The following NIPBL variants were observed in gnomAD, a reference collection of about 807,000 sequenced individuals.
NIPBL encodes NIPBL cohesin loading factor, also known as nipped-B-like protein.
In NIPBL, 19 loss-of-function variants were observed where a neutral mutation model predicts 321.8. That is an observed-to-expected ratio of 0.06 (90% CI 0.04 to 0.09). The LOEUF (loss-of-function observed/expected upper bound fraction) is 0.09. Ranked by LOEUF, NIPBL falls within the 10% of genes least tolerant of loss-of-function variation. The probability of loss-of-function intolerance (pLI) is 1.00; values close to 1 mark genes in which losing one functional copy is unlikely to be tolerated. For missense variants in NIPBL, 2,210 were observed against 3,327.0 expected (o/e 0.66, Z 8.26); for synonymous variants, 1,106 against 1,114.1 (o/e 0.99, Z 0.14).
In NIPBL at chr5:36,986,052, A is replaced by G; in HGVS notation, c.2872A>G (p.Ile958Val). 1 of 1,613,990 alleles carries G rather than the reference A, an allele frequency of 6.2e-7. No individual in the cohort carries two copies. Among genetic ancestry groups the G allele is most frequent in the Non-Finnish European group, 8.5e-7 (1 of 1,179,952 alleles). ...GTCTGGTGCGTTGAAAAATTTTGTCATTCCGAAAATCAAGAGGGATAAAGA... is the reference window on the plus strand; with the variant it reads ...GTCTGGTGCGTTGAAAAATTTTGTCGTTCCGAAAATCAAGAGGGATAAAGA... ...GRSGALKNFV[I>V]PKIKRDKDGN... is the part of the protein sequence containing the mutation. The change falls in exon 10 of 47, where the codon ATT (isoleucine) becomes GTT (valine). Residue 958 changes from isoleucine (I) to valine (V), a missense_variant. This residue lies in a region of NIPBL where 588 missense variants were observed against 564.1 expected (regional missense o/e 1.04). Transcript: ENST00000282516.
At chr5:37,010,834 A>G (rs540214545) in intron 21 of NIPBL, among the ~76,000 whole-genome samples, 1 of 152,350 alleles carries the variant, frequency 6.6e-6, no homozygotes, top group South Asian at 2.1e-4. Flanking sequence ...ATTAAATGTG[A>G]AAGTGAATAA....
At chr5:37,046,577 AG>A (rs1753002693) in intron 38 of NIPBL, among the ~76,000 whole-genome samples, 1 of 152,214 alleles carries the variant, frequency 6.6e-6, no homozygotes, top group Admixed American at 6.5e-5. Context: ...TTCATTGCAA[AG>A]CTTTGTCACT....
chr5:36,982,226 A>G, intron 9 of NIPBL: 1 of 981,022 alleles, frequency 1.0e-6, no homozygotes, highest in South Asian at 4.7e-5. Flanking sequence ...CTTACAGGTA[A>G]TCACTGTCCT....
chr5:36,947,269 A>G lies in NIPBL; in HGVS notation c.-79-6349A>G, dbSNP rs567420027. Among the ~76,000 whole-genome samples the G allele has an allele frequency of 2.6e-5, 4 of 152,078 alleles. No homozygotes were observed. In the East Asian group the frequency reaches 5.8e-4, roughly 22 times the overall value. ...ACTTTTGTCAGATTGTGAATTTCCAACTTCCTGCTTTAGACATCTCCAACT... is the reference window on the plus strand; with the variant it reads ...ACTTTTGTCAGATTGTGAATTTCCAGCTTCCTGCTTTAGACATCTCCAACT... On this transcript the variant is annotated intron_variant, in intron 1 of 46. Coordinates refer to ENST00000282516, the MANE Select transcript of NIPBL (RefSeq NM_133433.4).
At chr5:36,881,678 T>C (rs768763996) in intron 1 of NIPBL, among the ~76,000 whole-genome samples, 13 of 152,008 alleles carry the variant, frequency 8.6e-5, no homozygotes, top group Admixed American at 2.0e-4. Context: ...ATTTTAATAT[T>C]ATCTTTTGGG....
At chr5:36,933,907 T>C (rs1365116957) in intron 1 of NIPBL, among the ~76,000 whole-genome samples, 3 of 145,262 alleles carry the variant, frequency 2.1e-5, no homozygotes, top group Non-Finnish European at 4.5e-5. Context: ...TTATTTTTCT[T>C]AATAAGAGTA....
At chr5:36,922,435 A>G (rs1203913677) in intron 1 of NIPBL, among the ~76,000 whole-genome samples, 1 of 152,118 alleles carries the variant, frequency 6.6e-6, no homozygotes, top group Admixed American at 6.5e-5. Flanking sequence ...TAGAAAAAGT[A>G]TTTTGAGTCC....
chr5:37,045,403 A>G, intron 36 of NIPBL, 40 bp from the exon 37 acceptor site: 6 of 1,453,148 alleles, frequency 4.1e-6, no homozygotes, highest in Non-Finnish European at 5.7e-6. Context: ...TAGTAATTCA[A>G]AGATAAATAT....
chr5:36,913,321 C>T (rs554790212), intron 1 of NIPBL, among the ~76,000 whole-genome samples: 1 of 151,508 alleles, frequency 6.6e-6, no homozygotes, highest in Admixed American at 6.6e-5. Flanking sequence ...ATGTAGTTTG[C>T]ATTGTAAGTG....
intron 1 of NIPBL, among the ~76,000 whole-genome samples, chr5:36,908,293 G>A (rs1056615894): frequency 6.6e-6 from 1 of 152,104 alleles, no homozygotes; most frequent in African/African-American, 2.4e-5. Context: ...CTTAAAAAAA[G>A]CAAATAACCA....
chr5:36,986,015 G>C lies in NIPBL; in HGVS notation c.2835G>C (p.Leu945Phe). The C allele has an allele frequency of 3.7e-6, 6 of 1,614,002 alleles. No individual in the cohort carries two copies. Among genetic ancestry groups the C allele is most frequent in the Non-Finnish European group, 5.1e-6 (6 of 1,179,936 alleles). Residue 945 changes from leucine (L) to phenylalanine (F), a missense_variant, in exon 10 of 47, where the codon TTG (leucine) becomes TTC (phenylalanine). By Grantham distance (22) the Leu-to-Phe change is conservative. Coordinates refer to ENST00000282516, the MANE Select transcript of NIPBL (RefSeq NM_133433.4). ...PDNKAEFPSY[L>F]LGGRSGALKN... ...ATAAGGCAGAATTTCCAAGTTATTT[G>C]TTGGGGGGCAGGTCTGGTGCGTTGA...
chr5:37,033,612 A>AG (rs1218184445), intron 32 of NIPBL, among the ~76,000 whole-genome samples: 3 of 149,884 alleles, frequency 2.0e-5, no homozygotes, highest in Admixed American at 6.7e-5. Context: ...TATAGATTAA[A>AG]GGAGAACTTT....
chr5:36,960,706 A>T (rs886650338), intron 4 of NIPBL, among the ~76,000 whole-genome samples: 33 of 152,200 alleles, frequency 2.2e-4, no homozygotes, highest in Admixed American at 9.2e-4. Context: ...GGCTATAGAA[A>T]TCATAAGAAA....
chr5:36,964,601 C>T (rs1742001414), intron 6 of NIPBL, among the ~76,000 whole-genome samples: 1 of 152,090 alleles, frequency 6.6e-6, no homozygotes, highest in South Asian at 2.1e-4. Flanking sequence ...AAGAAACACT[C>T]CAGGATGTTG....
intron 1 of NIPBL, among the ~76,000 whole-genome samples, chr5:36,920,610 T>C (rs941531005): frequency 2.6e-5 from 4 of 152,176 alleles, no homozygotes; most frequent in African/African-American, 9.6e-5. Flanking sequence ...TTTCAAAAAA[T>C]GTACGTGGCA....
chr5:37,019,624 CAA>C (rs1406392598), intron 25 of NIPBL, among the ~76,000 whole-genome samples: 2 of 152,130 alleles, frequency 1.3e-5, no homozygotes, highest in Non-Finnish European at 2.9e-5. Context: ...AATTGTGTGA[CAA>C]GAGAAATATT....
chr5:36,993,157 A>T (rs1422381718), intron 10 of NIPBL, among the ~76,000 whole-genome samples: 1 of 152,244 alleles, frequency 6.6e-6, no homozygotes, highest in African/African-American at 2.4e-5. Context: ...TGTGGAATAG[A>T]CAATTCTGTT....
At chr5:37,043,312 G>A (rs747011798) in intron 34 of NIPBL, among the ~76,000 whole-genome samples, 5 of 151,888 alleles carry the variant, frequency 3.3e-5, no homozygotes, top group African/African-American at 9.6e-5. Flanking sequence ...GGTGGATCAC[G>A]AGGTCGTGAG....
At chr5:36,886,201 C>T in intron 1 of NIPBL, 1 of 654,482 alleles carries the variant, frequency 1.5e-6, no homozygotes, top group Non-Finnish European at 2.8e-6. Flanking sequence ...CTGCTATGCC[C>T]TGCAGGTAGA....
Sources: allele counts gnomAD v4.1 joint callset (sites outside exome capture counted in the v4.1 genomes callset), GRCh38; gene constraint gnomAD v4.1.1; regional missense constraint gnomAD v4.1.1; transcripts MANE v1.5; gene names NCBI Gene and HGNC (gene_info 2026-07-23, HGNC 2026-07-21).